The following PAK3 variants were observed in gnomAD, a reference collection of about 807,000 sequenced individuals.
PAK3 encodes serine/threonine-protein kinase PAK 3.
PAK3 carries 4 observed loss-of-function variants against 41.0 expected under a neutral mutation model. The observed-to-expected ratio is 0.10, with a 90% CI of 0.05 to 0.22. The LOEUF is 0.22. Ranked by LOEUF, PAK3 falls within the 10% of genes least tolerant of loss-of-function variation. The pLI, the probability that PAK3 is intolerant of heterozygous loss-of-function variation, is 1.00. For synonymous variants in PAK3, 146 were observed against 139.6 expected, an observed-to-expected ratio of 1.05 and a Z score of -0.32; for missense variants, 205 against 409.9, an observed-to-expected ratio of 0.50 and a Z score of 4.32.
intron 1 of PAK3, among the ~76,000 whole-genome samples, chrX:111,082,209 G>A (rs895225667): frequency 2.7e-5 from 3 of 111,781 alleles, no homozygotes; most frequent in Non-Finnish European, 5.6e-5. Flanking sequence ...TGACATTCAC[G>A]AAGAGAGTGA....
chrX:111,173,732 T>C (rs1331634410), intron 11 of PAK3, among the ~76,000 whole-genome samples: 1 of 111,447 alleles, frequency 9.0e-6, no homozygotes, highest in Non-Finnish European at 1.9e-5. Flanking sequence ...TAATCAGCAA[T>C]ACATGGGTAC....
At chrX:111,016,684 A>G (rs1233882403) in intron 1 of PAK3, among the ~76,000 whole-genome samples, 2 of 99,907 alleles carry the variant, frequency 2.0e-5, no homozygotes, top group Non-Finnish European at 4.0e-5. Flanking sequence ...ATGTCCATGC[A>G]TTACTTATCT....
intron 1 of PAK3, among the ~76,000 whole-genome samples, chrX:111,019,452 G>A (rs752438093): frequency 9.4e-6 from 1 of 106,441 alleles, no homozygotes; most frequent in Non-Finnish European, 1.9e-5. Context: ...CCAGCACTTT[G>A]TGAGGCCAAA....
At chrX:111,076,347 C>A (rs752460004) in intron 1 of PAK3, among the ~76,000 whole-genome samples, 46 of 111,695 alleles carry the variant, frequency 4.1e-4, no homozygotes, top group Non-Finnish European at 6.4e-4. Context: ...GATGATCTCT[C>A]ATGAATGGCT....
intron 5 of PAK3, among the ~76,000 whole-genome samples, chrX:111,136,877 A>G (rs911201290): frequency 1.8e-5 from 2 of 111,909 alleles, no homozygotes; most frequent in African/African-American, 3.2e-5. Flanking sequence ...GGCTCTAGAT[A>G]TTGGTATTTT....
chrX:111,173,152 G>C (rs2094365835), intron 11 of PAK3, 71 bp downstream of exon 11: 1 of 557,202 alleles, frequency 1.8e-6, no homozygotes, highest in Non-Finnish European at 3.1e-6. Flanking sequence ...AATTCAGTAA[G>C]AGCTTGGGTT....
At chrX:111,160,301 A>G (rs945747210) in intron 8 of PAK3, among the ~76,000 whole-genome samples, 1 of 111,190 alleles carries the variant, frequency 9.0e-6, no homozygotes, top group African/African-American at 3.3e-5. Context: ...TATTAAGCCA[A>G]TATATTCAAA....
chrX:111,221,057 G>A lies in PAK3; in HGVS notation c.*610G>A, dbSNP rs1460521507. 9.0e-6 allele frequency: 1 copy of A among 110,606 alleles called. No homozygotes were observed. The highest frequency in any genetic ancestry group is 3.3e-5 in the African/African-American group (1 of 30,344). The allele number at this position is 110,606 out of a possible 1,213,427, so 9.1% of individuals were successfully genotyped here. A position where few individuals can be genotyped will look rare whatever the true frequency, so the allele number is the denominator to read the frequency against. Reference sequence around the variant, plus strand: ...TGGAAGTCCATGCCCTAATAGAGTTGCAATTTTTTATTCTTCTTCTATAGT... The same window carrying A: ...TGGAAGTCCATGCCCTAATAGAGTTACAATTTTTTATTCTTCTTCTATAGT... On this transcript the variant is annotated 3_prime_UTR_variant, in exon 18 of 18. Transcript: ENST00000372007.
intron 8 of PAK3, among the ~76,000 whole-genome samples, chrX:111,154,541 A>G (rs780309434): frequency 1.7e-4 from 19 of 111,768 alleles, no homozygotes; most frequent in African/African-American, 5.8e-4. Context: ...CACATAATAT[A>G]TATTTATTAA....
intron 1 of PAK3, among the ~76,000 whole-genome samples, chrX:111,073,936 A>G (rs943668748): frequency 4.5e-5 from 5 of 112,209 alleles, no homozygotes; most frequent in African/African-American, 9.7e-5. Flanking sequence ...ACCCCTGATG[A>G]ACATAGATGT....
At position 111,221,269 on chromosome X, in the gene PAK3, T is replaced by G. The variant is rs778861581; in HGVS notation, c.*822T>G. ...CAATGATGCTTAAAAGATAATTGAG[T>G]AAACCAGGTTGTTAATCTCCTTAAT... On this transcript the variant is annotated 3_prime_UTR_variant, in exon 18 of 18. Transcript: ENST00000372007. 20 of 111,493 alleles carry G rather than the reference T, an allele frequency of 1.8e-4. No individual in the cohort carries two copies. Among genetic ancestry groups the G allele is most frequent in the Non-Finnish European group, 3.2e-4 (17 of 53,117 alleles). 9.2% of individuals were successfully genotyped at this position (111,493 alleles called of 1,213,427 possible).
chrX:111,091,061 G>A (rs1482930786), intron 1 of PAK3, among the ~76,000 whole-genome samples: 1 of 111,918 alleles, frequency 8.9e-6, no homozygotes, highest in Non-Finnish European at 1.9e-5. Context: ...CATGGTGGAA[G>A]CAGGGCTAAT....
rs143652045 is a variant in PAK3 at position 111,025,287 on chromosome X, C to T, written c.-28+80659C>T. Among the ~76,000 whole-genome samples the T allele has an allele frequency of 1.1e-4, 12 of 110,133 alleles. No individual in the cohort carries two copies. In the East Asian group the frequency reaches 1.1e-3, roughly 11 times the overall value. ...AAACCCAGCAGAAGCAAAGAAATAA[C>T]GAAGATCAGAGCAGAACTAAATGAA... On this transcript the variant is annotated intron_variant, in intron 1 of 14. Transcript: ENST00000425146.
At chrX:111,113,332 G>A (rs1352131384) in intron 4 of PAK3, among the ~76,000 whole-genome samples, 1 of 111,567 alleles carries the variant, frequency 9.0e-6, no homozygotes, top group Non-Finnish European at 1.9e-5. Flanking sequence ...TGAAGATAGA[G>A]ATGTGTCTTT....
chrX:110,976,748 A>G (rs1235369671), intron 1 of PAK3, among the ~76,000 whole-genome samples: 7 of 111,941 alleles, frequency 6.3e-5, no homozygotes, highest in African/African-American at 2.3e-4. Flanking sequence ...AGAAAATGTG[A>G]CACATATACA....
intron 10 of PAK3, among the ~76,000 whole-genome samples, chrX:111,170,977 G>T (rs2094331287): frequency 9.0e-6 from 1 of 110,859 alleles, no homozygotes. Context: ...ATGAACAGTG[G>T]AGCAAAATCA....
chrX:110,976,674 G>C (rs1232749561), intron 1 of PAK3, among the ~76,000 whole-genome samples: 2 of 111,687 alleles, frequency 1.8e-5, no homozygotes, highest in East Asian at 5.6e-4. Flanking sequence ...GTTTATTGTG[G>C]CACTGTTCAC....
intron 6 of PAK3, chrX:111,144,755 A>G (rs992343299): frequency 4.4e-6 from 2 of 451,861 alleles, no homozygotes; most frequent in Admixed American, 3.6e-5. Context: ...CTGGTCATAC[A>G]CTTGGACCCT....
At chrX:111,216,867 C>T (rs2094885717) in intron 17 of PAK3, 1 of 675,318 alleles carries the variant, frequency 1.5e-6, no homozygotes, top group South Asian at 7.7e-5. Flanking sequence ...TTACTTGTGC[C>T]CCTGGATGTT....
Sources: gnomAD v4.1 joint callset for allele counts (sites outside exome capture counted in the v4.1 genomes callset) on GRCh38, gnomAD v4.1.1 for gene constraint, MANE v1.5 for transcripts, NCBI Gene and HGNC (gene_info 2026-07-23, HGNC 2026-07-21) for gene names.